The following CLEC12A variants were observed in gnomAD, a reference collection of about 807,000 sequenced individuals.
CLEC12A encodes C-type lectin protein CLL-1.
In CLEC12A, 22 loss-of-function variants were observed where a neutral mutation model predicts 26.5. That is an observed-to-expected ratio of 0.83 (90% confidence interval 0.59 to 1.19). CLEC12A has a LOEUF of 1.19. Among genes scored for constraint, CLEC12A ranks in the 50% most tolerant of loss-of-function variants. CLEC12A has a pLI of 0.00. For missense variants in CLEC12A, 353 were observed against 315.6 expected, an observed-to-expected ratio of 1.12 and a Z score of -0.90; for synonymous variants, 119 against 101.9, an observed-to-expected ratio of 1.17 and a Z score of -1.01.
At chr12:9,959,298 A>C (rs1863791776) in intron 1 of CLEC12A, among the ~76,000 whole-genome samples, 1 of 151,806 alleles carries the variant, frequency 6.6e-6, no homozygotes, top group African/African-American at 2.4e-5. Context: ...TAAAAATACA[A>C]AAAATTAGCT....
intron 1 of CLEC12A, among the ~76,000 whole-genome samples, chr12:9,976,771 A>G (rs1378150488): frequency 1.3e-5 from 2 of 152,122 alleles, no homozygotes; most frequent in South Asian, 2.1e-4. Flanking sequence ...TATAGCTCCC[A>G]CAATTTCCAC....
At chr12:9,966,228 G>A (rs370243442) in intron 1 of CLEC12A, among the ~76,000 whole-genome samples, 35 of 152,282 alleles carry the variant, frequency 2.3e-4, no homozygotes, top group African/African-American at 7.0e-4. Flanking sequence ...GGTAGCCTCC[G>A]TATTGATTAA....
upstream of CLEC12A, among the ~76,000 whole-genome samples, chr12:9,970,183 G>A (rs529716878): frequency 3.4e-4 from 52 of 151,816 alleles, no homozygotes; most frequent in Non-Finnish European, 6.5e-4. Flanking sequence ...TTTTTATACA[G>A]TATTGACGCT....
chr12:9,973,297 T>TA (rs57490988), intron 1 of CLEC12A, among the ~76,000 whole-genome samples: 19 of 151,052 alleles, frequency 1.3e-4, no homozygotes, highest in Non-Finnish European at 2.5e-4. Flanking sequence ...GCCATGTCTA[T>TA]AAAAAAAAAA....
At chr12:9,968,767 A>C (rs1225647498), upstream of CLEC12A, among the ~76,000 whole-genome samples, 1 of 152,198 alleles carries the variant, frequency 6.6e-6, no homozygotes, top group African/African-American at 2.4e-5. Flanking sequence ...AGACATCTGT[A>C]ATTATATTTG....
downstream of CLEC12A, chr12:9,996,735 G>C (rs1865057666): frequency 9.1e-7 from 1 of 1,095,064 alleles, no homozygotes. Context: ...TCTTAGATTA[G>C]TACAAACTGA....
intron 1 of CLEC12A, among the ~76,000 whole-genome samples, chr12:9,978,265 G>C (rs1864414850): frequency 8.1e-6 from 1 of 123,044 alleles, no homozygotes; most frequent in Non-Finnish European, 1.7e-5. Context: ...CACTCACAAA[G>C]TTTATAATTC....
At chr12:10,002,574 T>C in the CLEC12A span, among the ~76,000 whole-genome samples, 76,430 of 144,714 alleles carry the variant, frequency 0.53, 20,995 homozygotes, top group Non-Finnish European at 0.57. Flanking sequence ...TCCCAAGTAG[T>C]TGGGACTACA....
intron 1 of CLEC12A, among the ~76,000 whole-genome samples, chr12:9,957,413 G>A (rs1348119200): frequency 6.6e-6 from 1 of 150,744 alleles, no homozygotes; most frequent in African/African-American, 2.4e-5. Flanking sequence ...ACTTGAACTC[G>A]GGAGACAGAG....
chr12:9,960,299 C>A (rs1269096170), intron 1 of CLEC12A, among the ~76,000 whole-genome samples: 1 of 152,158 alleles, frequency 6.6e-6, no homozygotes, highest in Non-Finnish European at 1.5e-5. Context: ...AGTTATTATT[C>A]TCTTTAAACC....
At chr12:9,965,232 G>T (rs1863909899) in intron 1 of CLEC12A, among the ~76,000 whole-genome samples, 1 of 152,154 alleles carries the variant, frequency 6.6e-6, no homozygotes, top group Non-Finnish European at 1.5e-5. Flanking sequence ...TGCGGTCCCA[G>T]CTCTTGTGTA....
intron 1 of CLEC12A, among the ~76,000 whole-genome samples, chr12:9,955,050 T>G (rs1339381745): frequency 1.3e-5 from 2 of 152,214 alleles, no homozygotes; most frequent in Non-Finnish European, 2.9e-5. Flanking sequence ...TAGCTGAAAC[T>G]TTTGCATTAT....
chr12:10,001,930 AGTGCAGTGGC>A, the CLEC12A span, among the ~76,000 whole-genome samples: 2 of 140,622 alleles, frequency 1.4e-5, no homozygotes, highest in African/African-American at 5.3e-5. Context: ...TCCAGGCTGG[AGTGCAGTGGC>A]GCCATCTTGG....
At chr12:10,002,069 G>A in the CLEC12A span, among the ~76,000 whole-genome samples, 2 of 151,802 alleles carry the variant, frequency 1.3e-5, no homozygotes, top group Non-Finnish European at 2.9e-5. Context: ...TTTTAGTAGA[G>A]ACGCGGTTTC....
chr12:9,990,043 A>T (rs1438917660), downstream of CLEC12A, among the ~76,000 whole-genome samples: 7 of 152,194 alleles, frequency 4.6e-5, no homozygotes, highest in Non-Finnish European at 1.0e-4. Flanking sequence ...TCAGAAAAAA[A>T]AAAGGTCTTT....
At chr12:9,962,546 G>T (rs1212859039) in intron 1 of CLEC12A, among the ~76,000 whole-genome samples, 1 of 152,062 alleles carries the variant, frequency 6.6e-6, no homozygotes, top group African/African-American at 2.4e-5. Flanking sequence ...GTCAGCGAAG[G>T]GAGATAGGGG....
intron 1 of CLEC12A, among the ~76,000 whole-genome samples, chr12:9,954,871 G>A (rs1863717161): frequency 6.6e-6 from 1 of 152,138 alleles, no homozygotes; most frequent in Admixed American, 6.5e-5. Context: ...CTTTGGAATT[G>A]TCAGCATACT....
At chr12:10,002,440 G>GTTTTTTTTTTTTTTTTTTTTTTTTTTT in the CLEC12A span, among the ~76,000 whole-genome samples, 1 of 40,480 alleles carries the variant, frequency 2.5e-5, no homozygotes, top group African/African-American at 1.0e-4. Context: ...GTTGGGTAAT[G>GTTTTTTTTTTTTTTTTTTTTTTTTTTT]TTTTTTTTTT....
At chr12:9,978,271 A>G (rs1264367909) in intron 1 of CLEC12A, among the ~76,000 whole-genome samples, 5 of 105,388 alleles carry the variant, frequency 4.7e-5, no homozygotes, top group African/African-American at 1.8e-4. Flanking sequence ...CAAAGTTTAT[A>G]ATTCCTGTTT....
Sources: allele counts gnomAD v4.1 joint callset (sites outside exome capture counted in the v4.1 genomes callset), GRCh38; gene constraint gnomAD v4.1.1; transcripts MANE v1.5; gene names NCBI Gene and HGNC (gene_info 2026-07-23, HGNC 2026-07-21).